MYO9B: variants seen among roughly 807,000 people sequenced by gnomAD.
MYO9B encodes the protein myosin IXB, also known as unconventional myosin-IXb.
A neutral mutation model predicts 229.5 loss-of-function variants in MYO9B; 71 were observed. The observed-to-expected ratio is 0.31, with a 90% CI of 0.26 to 0.38. The LOEUF (loss-of-function observed/expected upper bound fraction) is 0.38. Among genes scored for constraint, MYO9B ranks in the 10% least tolerant of loss-of-function variants. MYO9B has a pLI of 1.00. For synonymous variants in MYO9B, 1,185 were observed against 1,235.8 expected (o/e 0.96, Z 0.86); for missense variants, 2,255 against 2,920.5 (o/e 0.77, Z 5.25).
chr19:17,085,215 C>T (rs17281945), intron 1 of MYO9B, among the ~76,000 whole-genome samples: 18,464 of 152,132 alleles, frequency 0.12, 1,274 homozygotes, highest in Non-Finnish European at 0.13. Context: ...GTTCCGCTCT[C>T]AGGTGATCAG....
At chr19:17,152,186 CAAAA>C (rs537549171) in intron 3 of MYO9B, among the ~76,000 whole-genome samples, 2 of 127,546 alleles carry the variant, frequency 1.6e-5, no homozygotes, top group Admixed American at 8.0e-5. Context: ...GACTCCATCA[CAAAA>C]AAAAAAAAAA....
chr19:17,113,636 GGGGGTGAGCTGGGC>G (rs1404955366), intron 2 of MYO9B, among the ~76,000 whole-genome samples: 1 of 152,136 alleles, frequency 6.6e-6, no homozygotes, highest in African/African-American at 2.4e-5. Context: ...GGTCCCTGAG[GGGGGTGAGCTGGGC>G]ACCCCGGGCA....
chr19:17,121,459 A>ATC (rs2057964262), intron 2 of MYO9B, among the ~76,000 whole-genome samples: 2 of 150,586 alleles, frequency 1.3e-5, no homozygotes, highest in African/African-American at 5.0e-5. Flanking sequence ...ATATATATAT[A>ATC]TATATCCAAG....
Position 17,179,225 on chromosome 19 carries a change from TGATGGG to T in MYO9B, c.2220-1696_2220-1691del, listed in dbSNP as rs2072826887. 4.6e-5 allele frequency among the ~76,000 whole-genome samples: 7 copies of T among 152,102 alleles called. No homozygotes were observed. The South Asian group carries it at 1.2e-3, about 27-fold the overall frequency. Reference sequence around the variant, plus strand: ...TCTGCAGACATTGGCAGATGTCCCCTGATGGGGATGGTACCGCCCCGGTTGAGAACT... The same window carrying T: ...TCTGCAGACATTGGCAGATGTCCCCTGATGGTACCGCCCCGGTTGAGAACT... On this transcript the variant is annotated intron_variant, in intron 14 of 39. Transcript: ENST00000682292.
Position 17,171,092 on chromosome 19 carries a change from G to A in MYO9B, c.1794-1244G>A, listed in dbSNP as rs1053493757. Among the ~76,000 whole-genome samples, 6 of 152,112 alleles carry A rather than the reference G, an allele frequency of 3.9e-5. No individual in the cohort carries two copies. In the South Asian group the frequency reaches 1.2e-3, roughly 31 times the overall value. On this transcript the variant is annotated intron_variant, in intron 11 of 39. Transcript: ENST00000682292. The stretch of plus-strand genomic sequence containing the variant: ...GTTTTGGGGGACACTCAAGGCAGAT[G>A]CCTTACACTCCATACCCTCTTTACA...
rs765716948 is a variant in MYO9B at position 17,168,054 on chromosome 19, G to A, written c.1783G>A (p.Glu595Lys). 2.5e-6 allele frequency: 4 copies of A among 1,612,652 alleles called. No homozygotes were observed. Among genetic ancestry groups the A allele is most frequent in the Non-Finnish European group, 8.5e-7 (1 of 1,179,438 alleles). The change falls in exon 11 of 40, where the codon GAG becomes AAG. Residue 595 changes from glutamate to lysine, a missense_variant. By Grantham distance (56) the Glu-to-Lys change is moderately conservative. This residue lies in a region of MYO9B where 220 missense variants were observed against 404.5 expected (regional missense o/e 0.54). Coordinates refer to ENST00000682292, the MANE Select transcript of MYO9B (RefSeq NM_004145.4). ...KPTGLFYLLD[E>K]ESNFPHATSQ... Reference sequence around the variant, plus strand: ...CACGGGCCTCTTCTACCTGCTGGACGAGGAGAGCAAGTGAGTGTCCACACC... The same window carrying A: ...CACGGGCCTCTTCTACCTGCTGGACAAGGAGAGCAAGTGAGTGTCCACACC...
In MYO9B at chr19:17,206,251, C is replaced by T. The variant is rs1294724971; in HGVS notation, c.5261C>T (p.Pro1754Leu). The T allele has an allele frequency of 1.3e-6, 2 of 1,573,642 alleles. No individual in the cohort carries two copies. Among genetic ancestry groups the T allele is most frequent in the Non-Finnish European group, 1.7e-6 (2 of 1,162,714 alleles). ...RELRQALQTD[P>L]AAVKLENFPI... ...ACCCACCCCACCCACCCCACAGACC[C>T]CGCAGCAGTCAAGCTGGAGAACTTC... Residue 1754 changes from proline (P) to leucine (L), a missense_variant, in exon 33 of 40, where the codon CCC becomes CTC. By Grantham distance (98) the Pro-to-Leu change is moderately conservative (BLOSUM62 -3). Transcript: ENST00000682292.
intron 22 of MYO9B, among the ~76,000 whole-genome samples, chr19:17,196,562 A>C: frequency 6.6e-6 from 1 of 152,086 alleles, no homozygotes; most frequent in East Asian, 1.9e-4. Context: ...GCATGCTTGT[A>C]ATCCCAGCTA....
intron 1 of MYO9B, among the ~76,000 whole-genome samples, chr19:17,081,523 G>A (rs1355974199): frequency 6.6e-6 from 1 of 152,020 alleles, no homozygotes; most frequent in Non-Finnish European, 1.5e-5. Flanking sequence ...AAAGAGAGGT[G>A]AGAGGCCTGG....
intron 1 of MYO9B, among the ~76,000 whole-genome samples, chr19:17,092,358 A>G (rs1166071882): frequency 6.6e-6 from 1 of 152,232 alleles, no homozygotes; most frequent in East Asian, 1.9e-4. Context: ...GTGTGCACAT[A>G]CACAGGTGTA....
intron 2 of MYO9B, among the ~76,000 whole-genome samples, chr19:17,134,408 T>TTTTTTTTTTTTA (rs2072243796): frequency 8.3e-6 from 1 of 120,000 alleles, no homozygotes; most frequent in African/African-American, 3.5e-5. Flanking sequence ...TTTTTTTTTT[T>TTTTTTTTTTTTA]TGAGACAGAC....
At chr19:17,099,883 C>T (rs1291616643) in intron 1 of MYO9B, among the ~76,000 whole-genome samples, 2 of 150,418 alleles carry the variant, frequency 1.3e-5, no homozygotes, top group South Asian at 2.1e-4. Context: ...TTTGGGAGGC[C>T]GAGGAGGATG....
At chr19:17,148,338 C>T (rs909720095) in intron 3 of MYO9B, among the ~76,000 whole-genome samples, 3 of 152,156 alleles carry the variant, frequency 2.0e-5, no homozygotes, top group African/African-American at 7.2e-5. Context: ...TCTCTGTATG[C>T]ATTTCCTAGG....
chr19:17,172,882 G>A lies in MYO9B; in HGVS notation c.2059G>A (p.Val687Met), dbSNP rs201475693. 1.9e-4 allele frequency: 299 copies of A among 1,605,014 alleles called. 1 individual carries two copies. Among genetic ancestry groups the A allele is most frequent in the Admixed American group, 1.8e-3 (108 of 59,968 alleles). ...CCCCGTGGCCGTGTTCCGCTGGGCC[G>A]TGCTCCGGGCTGCTATCCGGGCCAT... The part of the protein sequence containing the change: ...MDPVAVFRWA[V>M]LRAAIRAMAV... Residue 687 changes from valine to methionine, a missense_variant, in exon 13 of 40, where the codon GTG becomes ATG. Around this residue, in one of 7 missense-constraint regions of MYO9B, gnomAD observed 220 missense variants for 404.5 expected, o/e 0.54. Coordinates refer to ENST00000682292, the MANE Select transcript of MYO9B (RefSeq NM_004145.4). This position sits in a 1 kb window ranked among gnomAD's most constrained non-coding sequence, Gnocchi z 8.2.
Position 17,184,984 on chromosome 19 carries a change from C to T in MYO9B, c.2493C>T (p.Phe831=). Residue 831 remains phenylalanine (F), a synonymous_variant, in exon 17 of 40, where the codon TTC becomes TTT. Coordinates refer to ENST00000682292, the MANE Select transcript of MYO9B (RefSeq NM_004145.4). ...KKKPPSISAQ[F]QTSLNKLLEA... ...AGCCACCAAGCATCAGCGCCCAGTT[C>T]CAGGTAGGTGGAGCAGGAGAGGCAG... 6.2e-7 allele frequency: 1 copy of T among 1,613,894 alleles called. No homozygotes were observed. The highest frequency in any genetic ancestry group is 2.2e-5 in the East Asian group (1 of 44,884).
At chr19:17,078,778 C>T (rs558011883) in intron 1 of MYO9B, among the ~76,000 whole-genome samples, 2 of 152,316 alleles carry the variant, frequency 1.3e-5, no homozygotes, top group East Asian at 1.9e-4. Context: ...CTTTGAAGCC[C>T]GGCCTGTACA....
chr19:17,162,342 G>A lies in MYO9B; in HGVS notation c.1420-8G>A. The A allele has an allele frequency of 6.4e-7, 1 of 1,561,540 alleles. No individual in the cohort carries two copies. The highest frequency in any genetic ancestry group is 2.4e-5 in the East Asian group (1 of 41,620). ...GCCGGAGGTGAGTCACCCCCTCTGT[G>A]TCCACAGGCCATCACTGCCCGCGAC... On this transcript the variant is annotated splice_region_variant and splice_polypyrimidine_tract_variant and intron_variant, in intron 8 of 39. Transcript: ENST00000682292.
intron 13 of MYO9B, among the ~76,000 whole-genome samples, chr19:17,174,660 C>T (rs1247530573): frequency 6.6e-6 from 1 of 151,334 alleles, no homozygotes; most frequent in Non-Finnish European, 1.5e-5. Flanking sequence ...ATAGGCCGGA[C>T]ACGGTGGCTC....
At position 17,193,061 on chromosome 19, in the gene MYO9B, AGGTGAGCAGAGCC is replaced by A; in HGVS notation, c.3128+2_3128+14del. On this transcript the variant is annotated splice_donor_variant and splice_donor_5th_base_variant and coding_sequence_variant and intron_variant, in exon 21 of 40. Transcript: ENST00000682292. LOFTEE classifies it high-confidence loss of function. The surrounding 1 kb of genome is among the most constrained non-coding windows in gnomAD (Gnocchi z 4.3). ...GTGTCGGGGGCACCTGCAGCGCAAG[AGGTGAGCAGAGCC>A]GGGCCACGCTCCTCGGAATATTCCA... is the stretch of plus-strand genomic sequence containing the variant. 6.9e-7 allele frequency: 1 copy of A among 1,450,168 alleles called. No homozygotes were observed. Among genetic ancestry groups the A allele is most frequent in the Non-Finnish European group, 9.1e-7 (1 of 1,102,160 alleles). 89.8% of individuals were successfully genotyped at this position (1,450,168 alleles called of 1,614,324 possible).
Sources: allele counts gnomAD v4.1 joint callset (sites outside exome capture counted in the v4.1 genomes callset), GRCh38; gene constraint gnomAD v4.1.1; regional missense constraint gnomAD v4.1.1; non-coding constraint Gnocchi (gnomAD v3.1); transcripts MANE v1.5; gene names NCBI Gene and HGNC (gene_info 2026-07-23, HGNC 2026-07-21).